Variants in OR1J2 observed in about 807,000 individuals in gnomAD.
OR1J2 encodes olfactory receptor 1J2.
For missense variants in OR1J2, 304 were observed against 246.1 expected (o/e 1.24, Z -1.57); for synonymous variants, 142 against 99.7 (o/e 1.42, Z -2.52).
the OR1J2 span, chr9:122,572,891 C>T: frequency 1.3e-5 from 2 of 152,180 alleles, no homozygotes; most frequent in African/African-American, 4.8e-5. Context: ...CCTCATGTTT[C>T]TCCTCTGAAC....
the OR1J2 span, among the ~76,000 whole-genome samples, chr9:122,468,421 A>G: frequency 6.6e-6 from 1 of 152,216 alleles, no homozygotes; most frequent in Non-Finnish European, 1.5e-5. Flanking sequence ...CTTTACATAA[A>G]TTTACCAAAC....
At chr9:122,489,184 C>G in the OR1J2 span, among the ~76,000 whole-genome samples, 3 of 152,084 alleles carry the variant, frequency 2.0e-5, no homozygotes, top group African/African-American at 7.2e-5. Context: ...AGGGGGGCAT[C>G]AAACCCAAAT....
the OR1J2 span, among the ~76,000 whole-genome samples, chr9:122,453,162 A>C: frequency 6.6e-6 from 1 of 152,146 alleles, no homozygotes; most frequent in Non-Finnish European, 1.5e-5. Context: ...CCTCCCTGGA[A>C]GCTGAGCAGA....
the OR1J2 span, among the ~76,000 whole-genome samples, chr9:122,484,300 A>C: frequency 1.3e-5 from 2 of 151,940 alleles, no homozygotes; most frequent in South Asian, 4.2e-4. Context: ...TAGCTGGGAC[A>C]ATAGGCACGC....
chr9:122,491,041 A>G, the OR1J2 span, among the ~76,000 whole-genome samples: 1 of 152,188 alleles, frequency 6.6e-6, no homozygotes, highest in Admixed American at 6.5e-5. Flanking sequence ...TAAGAGAGTG[A>G]CCATGATGTT....
the OR1J2 span, among the ~76,000 whole-genome samples, chr9:122,476,229 A>T: frequency 2.6e-5 from 4 of 152,198 alleles, no homozygotes; most frequent in Admixed American, 1.3e-4. Flanking sequence ...AGGAGTGAGA[A>T]ATGTCATATG....
At chr9:122,477,570 T>C in the OR1J2 span, 1 of 1,614,092 alleles carries the variant, frequency 6.2e-7, no homozygotes, top group Non-Finnish European at 8.5e-7. Context: ...ACCTGTCATA[T>C]GCCATTGAAG....
the OR1J2 span, among the ~76,000 whole-genome samples, chr9:122,574,593 A>G: frequency 2.7e-5 from 4 of 150,586 alleles, no homozygotes; most frequent in Non-Finnish European, 3.0e-5. Context: ...TTTTTTGTCA[A>G]TTCTTTTGGA....
At chr9:122,540,548 G>T in the OR1J2 span, among the ~76,000 whole-genome samples, 1 of 151,886 alleles carries the variant, frequency 6.6e-6, no homozygotes, top group East Asian at 2.0e-4. Flanking sequence ...GTCAGGTAGC[G>T]TGATGCCTCC....
At chr9:122,572,135 C>A in the OR1J2 span, among the ~76,000 whole-genome samples, 1 of 152,160 alleles carries the variant, frequency 6.6e-6, no homozygotes, top group Admixed American at 6.5e-5. Flanking sequence ...AACTCACTCA[C>A]TAACATGATA....
the OR1J2 span, among the ~76,000 whole-genome samples, chr9:122,521,694 C>T: frequency 2.0e-5 from 3 of 152,134 alleles, no homozygotes; most frequent in African/African-American, 7.2e-5. Flanking sequence ...GCCTTGATAG[C>T]CTCAGCACAA....
the OR1J2 span, among the ~76,000 whole-genome samples, chr9:122,564,559 A>G: frequency 3.3e-5 from 5 of 152,188 alleles, no homozygotes; most frequent in African/African-American, 1.2e-4. Context: ...GGTGATCCCC[A>G]CCACATCCCT....
chr9:122,579,670 TA>T, the OR1J2 span, among the ~76,000 whole-genome samples: 1 of 152,344 alleles, frequency 6.6e-6, no homozygotes, highest in South Asian at 2.1e-4. Flanking sequence ...TCTATATACA[TA>T]AGCATAAGGG....
At chr9:122,481,533 T>A in the OR1J2 span, among the ~76,000 whole-genome samples, 1 of 152,014 alleles carries the variant, frequency 6.6e-6, no homozygotes, top group Non-Finnish European at 1.5e-5. Context: ...TCAATTAAAA[T>A]ATGGCAAAAA....
At chr9:122,519,873 C>T in the OR1J2 span, 6 of 1,614,066 alleles carry the variant, frequency 3.7e-6, no homozygotes, top group Admixed American at 1.7e-5. Flanking sequence ...TGGCTCTCAC[C>T]TCTCTGTGGT....
At chr9:122,451,901 C>T in the OR1J2 span, among the ~76,000 whole-genome samples, 304 of 152,028 alleles carry the variant, frequency 2.0e-3, 2 homozygotes, top group East Asian at 0.04. Context: ...TTCTTTGAGA[C>T]GGAGTCTCGC....
chr9:122,462,044 C>T, the OR1J2 span, among the ~76,000 whole-genome samples: 1 of 152,024 alleles, frequency 6.6e-6, no homozygotes. Flanking sequence ...TACTGTGTTG[C>T]CATCTATCTA....
chr9:122,455,550 C>T, the OR1J2 span, among the ~76,000 whole-genome samples: 51 of 152,088 alleles, frequency 3.4e-4, no homozygotes, highest in South Asian at 1.5e-3. Context: ...TTTTTCCCTT[C>T]GTCTTTTGTT....
In OR1J2 at chr9:122,511,519, A is replaced by T. The variant is rs769141349; in HGVS notation, c.718A>T (p.Thr240Ser). Residue 240 changes from threonine to serine, a missense_variant, in exon 1 of 1, where the codon ACA becomes TCA. Physicochemically the swap from Thr to Ser is moderately conservative, Grantham distance 58 (BLOSUM62 1). Coordinates refer to ENST00000335302, the MANE Select transcript of OR1J2 (RefSeq NM_054107.1). ...STKGIHKALSTCGSHLSVVSL... is the reference protein window; with the variant it reads ...STKGIHKALSSCGSHLSVVSL... ...CAAAGGGATCCACAAAGCATTGTCCACATGTGGCTCCCATCTCTCTGTGGT... is the reference window on the plus strand; with the variant it reads ...CAAAGGGATCCACAAAGCATTGTCCTCATGTGGCTCCCATCTCTCTGTGGT... 6 of 780,978 alleles carry T rather than the reference A, an allele frequency of 7.7e-6. No homozygotes were observed. In the South Asian group the frequency reaches 8.0e-5, roughly 10 times the overall value. 48.4% of individuals were successfully genotyped at this position (780,978 alleles called of 1,614,324 possible). A position where few individuals can be genotyped will look rare whatever the true frequency, so the allele number is the denominator to read the frequency against.
Sources: gnomAD v4.1 joint callset for allele counts (sites outside exome capture counted in the v4.1 genomes callset) on GRCh38, gnomAD v4.1.1 for gene constraint, MANE v1.5 for transcripts, NCBI Gene and HGNC (gene_info 2026-07-23, HGNC 2026-07-21) for gene names.